ADGRD1: variants seen among roughly 807,000 people sequenced by gnomAD.
ADGRD1 encodes adhesion G protein-coupled receptor D1, also known as G-protein coupled receptor 133.
A neutral mutation model predicts 113.4 loss-of-function variants in ADGRD1; 77 were observed. The ratio of observed to expected loss-of-function variants is 0.68; its 90% confidence interval spans 0.57 to 0.82. The LOEUF (loss-of-function observed/expected upper bound fraction) is 0.82. Ranked by LOEUF, ADGRD1 falls within the 40% of genes least tolerant of loss-of-function variation. The pLI is 0.00. For synonymous variants in ADGRD1, 474 were observed against 475.0 expected (o/e 1.00, Z 0.03); for missense variants, 1,036 against 1,139.1 (o/e 0.91, Z 1.30).
chr12:130,966,787 C>A lies in ADGRD1; in HGVS notation c.187+241C>A. 4.8e-6 allele frequency: 2 copies of A among 414,350 alleles called. No individual in the cohort carries two copies. Among genetic ancestry groups the A allele is most frequent in the Non-Finnish European group, 4.4e-6 (1 of 228,924 alleles). 25.7% of individuals were successfully genotyped at this position (414,350 alleles called of 1,614,324 possible). On this transcript the variant is annotated intron_variant, in intron 3 of 24. Coordinates refer to ENST00000261654, the MANE Select transcript of ADGRD1 (RefSeq NM_198827.5). The surrounding 1 kb of genome is among the most constrained non-coding windows in gnomAD (Gnocchi z 4.6). ...GTGTAACTTCCCGTAATAGTTATTT[C>A]AAAGCTTTTTTTTTTGTAGAGATGG...
At chr12:131,002,815 C>T in intron 9 of ADGRD1, 1 of 1,235,662 alleles carries the variant, frequency 8.1e-7, no homozygotes, top group Non-Finnish European at 1.0e-6. Flanking sequence ...GGCGATCAGC[C>T]CCTCCTCGTG....
intron 2 of ADGRD1, chr12:130,962,993 C>T (rs1022127472): frequency 3.3e-5 from 5 of 152,164 alleles, no homozygotes; most frequent in African/African-American, 1.2e-4. Context: ...TGAAAGCAAG[C>T]CTTAAAATAT....
At chr12:131,035,938 T>G (rs936524475) in intron 13 of ADGRD1, among the ~76,000 whole-genome samples, 2 of 152,206 alleles carry the variant, frequency 1.3e-5, no homozygotes, top group African/African-American at 4.8e-5. Context: ...TGGAGATTGA[T>G]TCACACCCAA....
chr12:131,137,695 G>A lies in ADGRD1; in HGVS notation c.2437-442G>A, dbSNP rs571678937. 8.8e-5 allele frequency: 22 copies of A among 249,650 alleles called. No individual in the cohort carries two copies. The South Asian group carries it at 9.3e-4, about 11-fold the overall frequency. 15.5% of individuals were successfully genotyped at this position (249,650 alleles called of 1,614,324 possible). ...AGAGTCGCTGAGCAGGATGGTGGCCGGGCAGAAGGGCTGCATGATCACAAA... is the reference window on the plus strand; with the variant it reads ...AGAGTCGCTGAGCAGGATGGTGGCCAGGCAGAAGGGCTGCATGATCACAAA... On this transcript the variant is annotated intron_variant, in intron 23 of 24. Transcript: ENST00000261654.
At chr12:131,104,962 C>T (rs1047088301) in intron 16 of ADGRD1, 28 bp downstream of exon 16, 34 of 1,449,238 alleles carry the variant, frequency 2.3e-5, no homozygotes, top group Non-Finnish European at 3.2e-5. Context: ...ATCCACCCAA[C>T]AGTCTCTCGG....
At chr12:131,015,501 C>T (rs1878451904) in intron 13 of ADGRD1, among the ~76,000 whole-genome samples, 1 of 130,518 alleles carries the variant, frequency 7.7e-6, no homozygotes, top group Non-Finnish European at 1.6e-5. Flanking sequence ...GGAGAGGGGA[C>T]TGGAGATGAT....
At chr12:131,043,680 C>T (rs1177673781) in intron 13 of ADGRD1, among the ~76,000 whole-genome samples, 8 of 152,236 alleles carry the variant, frequency 5.3e-5, no homozygotes, top group South Asian at 2.1e-4. Flanking sequence ...GCCCTGCGCA[C>T]GCACACAGGG....
chr12:131,000,546 G>A (rs1393081215), intron 9 of ADGRD1, 104 bp downstream of exon 9: 1 of 837,308 alleles, frequency 1.2e-6, no homozygotes, highest in Non-Finnish European at 2.0e-6. Context: ...GTCAAGACCA[G>A]CCTGGCCAAT....
chr12:131,040,163 T>C (rs1881972494), intron 13 of ADGRD1, among the ~76,000 whole-genome samples: 1 of 151,822 alleles, frequency 6.6e-6, no homozygotes, highest in Non-Finnish European at 1.5e-5. Flanking sequence ...TTCCCAGGAG[T>C]CTGGAGGAGA....
At chr12:131,058,114 AT>A (rs968402448) in intron 13 of ADGRD1, among the ~76,000 whole-genome samples, 1 of 152,054 alleles carries the variant, frequency 6.6e-6, no homozygotes, top group Non-Finnish European at 1.5e-5. Context: ...TTCTGACAAT[AT>A]TTTTTTCATG....
chr12:131,136,289 T>C lies in ADGRD1; in HGVS notation c.2394+126T>C, dbSNP rs1951083779. 10 of 1,168,240 alleles carry C rather than the reference T, an allele frequency of 8.6e-6. 1 individual carries two copies. The South Asian group carries it at 1.4e-4, about 17-fold the overall frequency. 72.4% of individuals were successfully genotyped at this position (1,168,240 alleles called of 1,614,324 possible). ...CCGGCCACACCTTAGGAGCCTGTAA[T>C]GCGGGGCATCCCCGAAGCCTGAGGA... On this transcript the variant is annotated intron_variant, in intron 22 of 24. Transcript: ENST00000261654.
Position 130,954,215 on chromosome 12 carries a change from C to A in ADGRD1, c.-251C>A. 1 of 404,430 alleles carries A rather than the reference C, an allele frequency of 2.5e-6. No individual in the cohort carries two copies. Among genetic ancestry groups the A allele is most frequent in the Non-Finnish European group, 4.3e-6 (1 of 230,734 alleles). The allele number at this position is 404,430 out of a possible 1,614,324, so 25.1% of individuals were successfully genotyped here. A position where few individuals can be genotyped will look rare whatever the true frequency, so the allele number is the denominator to read the frequency against. ...GTCGGGTTTGGGTTTCTCCTCCCTG[C>A]ATTCCACAGCTGCTCTGGTCATCGC... On this transcript the variant is annotated 5_prime_UTR_variant, in exon 1 of 25. Transcript: ENST00000261654. This position sits in a 1 kb window ranked among gnomAD's most constrained non-coding sequence, Gnocchi z 4.7.
chr12:131,009,078 G>T (rs1394400389), intron 12 of ADGRD1, among the ~76,000 whole-genome samples: 2 of 152,252 alleles, frequency 1.3e-5, no homozygotes, highest in African/African-American at 4.8e-5. Context: ...AGTCCTAGCT[G>T]TACCAGGTCG....
chr12:131,048,067 C>T (rs1412741223), intron 13 of ADGRD1, among the ~76,000 whole-genome samples: 1 of 152,198 alleles, frequency 6.6e-6, no homozygotes, highest in Non-Finnish European at 1.5e-5. Flanking sequence ...CTTGACCTCT[C>T]ACCAGCTGGA....
intron 18 of ADGRD1, among the ~76,000 whole-genome samples, chr12:131,117,446 C>G (rs990831467): frequency 6.6e-6 from 1 of 152,176 alleles, no homozygotes; most frequent in Non-Finnish European, 1.5e-5. Context: ...TTTTCCGTCT[C>G]TCAGATCTGA....
intron 13 of ADGRD1, among the ~76,000 whole-genome samples, chr12:131,020,539 AAGG>A (rs1443884432): frequency 6.6e-6 from 1 of 152,218 alleles, no homozygotes; most frequent in East Asian, 1.9e-4. Flanking sequence ...CTGTTGGCAA[AAGG>A]AGGTCTGTAA....
chr12:131,117,389 T>C (rs1017959701), intron 18 of ADGRD1, among the ~76,000 whole-genome samples: 1 of 152,356 alleles, frequency 6.6e-6, no homozygotes, highest in African/African-American at 2.4e-5. Flanking sequence ...ACTTCAGATA[T>C]GGCTTGATCC....
chr12:131,039,931 GC>G (rs752465538), intron 13 of ADGRD1, among the ~76,000 whole-genome samples: 1 of 152,256 alleles, frequency 6.6e-6, no homozygotes, highest in Non-Finnish European at 1.5e-5. Flanking sequence ...GGCCCTGCCG[GC>G]GGTCCCTGAG....
Position 131,057,528 on chromosome 12 carries a change from G to A in ADGRD1, c.1474-19273G>A, listed in dbSNP as rs952871181. 1.3e-5 allele frequency among the ~76,000 whole-genome samples: 2 copies of A among 152,132 alleles called. No homozygotes were observed. The highest frequency in any genetic ancestry group is 4.8e-5 in the African/African-American group (2 of 41,406). On this transcript the variant is annotated intron_variant, in intron 13 of 24. Transcript: ENST00000261654. The surrounding 1 kb of genome is among the most constrained non-coding windows in gnomAD (Gnocchi z 4.2). The stretch of plus-strand genomic sequence containing the variant: ...TTCGTTCTGGAGGCTCAGCGGGAAC[G>A]TCCACCCCTGCCTGTCTCCTAGTAG...
Sources: gnomAD v4.1 joint callset for allele counts (sites outside exome capture counted in the v4.1 genomes callset) on GRCh38, gnomAD v4.1.1 for gene constraint, Gnocchi (gnomAD v3.1) non-coding constraint, MANE v1.5 for transcripts, NCBI Gene and HGNC (gene_info 2026-07-23, HGNC 2026-07-21) for gene names.